ATXN1: variants seen among roughly 807,000 people sequenced by gnomAD.
The protein encoded by ATXN1 is ataxin 1, also known as ataxin-1.
In ATXN1, 8 loss-of-function variants were observed where a neutral mutation model predicts 56.4. That is an observed-to-expected ratio of 0.14 (90% CI 0.08 to 0.26). The LOEUF (loss-of-function observed/expected upper bound fraction) is 0.26. ATXN1 is among the 10% of genes least tolerant of loss of function. ATXN1 has a pLI of 1.00. For synonymous variants in ATXN1, 514 were observed against 494.6 expected, an observed-to-expected ratio of 1.04 and a Z score of -0.52; for missense variants, 987 against 1,106.5, an observed-to-expected ratio of 0.89 and a Z score of 1.53.
At chr6:16,574,410 T>C (rs1313139139) in intron 4 of ATXN1, among the ~76,000 whole-genome samples, 2 of 152,214 alleles carry the variant, frequency 1.3e-5, no homozygotes, top group African/African-American at 4.8e-5. Flanking sequence ...GGTTTCTCCA[T>C]GTTGCTCAGG....
chr6:16,619,295 A>G (rs1343027357), intron 3 of ATXN1, among the ~76,000 whole-genome samples: 1 of 152,224 alleles, frequency 6.6e-6, no homozygotes, highest in Non-Finnish European at 1.5e-5. Flanking sequence ...AATTTATCCT[A>G]AGGAAACAAC....
At chr6:16,377,501 C>T (rs1274580611) in intron 6 of ATXN1, among the ~76,000 whole-genome samples, 3 of 152,098 alleles carry the variant, frequency 2.0e-5, no homozygotes, top group Admixed American at 1.3e-4. Flanking sequence ...TATGAGGGTC[C>T]GGAGGGTCAG....
intron 6 of ATXN1, among the ~76,000 whole-genome samples, chr6:16,400,625 A>AT (rs2113535164): frequency 6.6e-6 from 1 of 152,340 alleles, no homozygotes; most frequent in Admixed American, 6.5e-5. Context: ...CAACAACCAC[A>AT]TTCCCCTTCA....
chr6:16,714,087 G>A (rs112172398), intron 2 of ATXN1, among the ~76,000 whole-genome samples: 22 of 151,802 alleles, frequency 1.4e-4, no homozygotes, highest in Admixed American at 7.2e-4. Context: ...CCCAGGAGGC[G>A]GAGGTTGCAG....
At chr6:16,445,674 T>G (rs1322544583) in intron 6 of ATXN1, among the ~76,000 whole-genome samples, 1 of 53,042 alleles carries the variant, frequency 1.9e-5, no homozygotes, top group South Asian at 8.8e-4. Context: ...CCCTCCCCCC[T>G]CCCCCCACCC....
Position 16,615,431 on chromosome 6 carries a change from G to A in ATXN1, c.-488-29524C>T, listed in dbSNP as rs1188334818. 2 of 148,130 alleles carry A rather than the reference G, an allele frequency of 1.4e-5. 1 individual carries two copies. Among genetic ancestry groups the A allele is most frequent in the Non-Finnish European group, 3.0e-5 (2 of 66,654 alleles). 9.2% of individuals were successfully genotyped at this position (148,130 alleles called of 1,614,324 possible). A position where few individuals can be genotyped will look rare whatever the true frequency, so the allele number is the denominator to read the frequency against. ...TTTCTTAAGAATGGTTCTCTTTTAC[G>A]GGTTGCCATTTTGGTGACAATTGGT... On this transcript the variant is annotated intron_variant, in intron 3 of 7. Coordinates refer to ENST00000436367, the MANE Select transcript of ATXN1 (RefSeq NM_001128164.2).
chr6:16,505,010 T>A (rs1208817995), intron 5 of ATXN1, among the ~76,000 whole-genome samples: 3 of 150,662 alleles, frequency 2.0e-5, no homozygotes, highest in Non-Finnish European at 4.4e-5. Context: ...TTTTTTTTTT[T>A]AGCTTTAGCT....
intron 2 of ATXN1, 165 bp downstream of exon 2, chr6:16,753,068 A>C (rs558843539): frequency 9.2e-5 from 32 of 348,682 alleles, no homozygotes; most frequent in Non-Finnish European, 1.5e-4. Context: ...AGTTTTAAAA[A>C]ACAATCTTGG....
intron 6 of ATXN1, among the ~76,000 whole-genome samples, chr6:16,392,501 C>CTT (rs71714432): frequency 1.4e-5 from 2 of 146,984 alleles, no homozygotes; most frequent in African/African-American, 5.0e-5. Context: ...CCAACCCATT[C>CTT]TTTTTTTTTT....
chr6:16,437,227 T>C (rs1344935048), intron 6 of ATXN1, among the ~76,000 whole-genome samples: 2 of 152,234 alleles, frequency 1.3e-5, no homozygotes, highest in Non-Finnish European at 2.9e-5. Context: ...CTCTCACATT[T>C]GGAAACCAGA....
chr6:16,433,327 G>C (rs892803518), intron 6 of ATXN1, among the ~76,000 whole-genome samples: 1 of 152,092 alleles, frequency 6.6e-6, no homozygotes, highest in East Asian at 1.9e-4. Context: ...ACTTCTTTTT[G>C]GGAACTTTAG....
rs563528523 is a variant in ATXN1, at chr6:16,760,434, A to C, written c.-730+864T>G. 3.1e-4 allele frequency among the ~76,000 whole-genome samples: 47 copies of C among 150,826 alleles called. No individual in the cohort carries two copies. The highest frequency in any genetic ancestry group is 2.3e-3 in the South Asian group (11 of 4,790). On this transcript the variant is annotated intron_variant, in intron 1 of 7. Transcript: ENST00000436367. This position sits in a 1 kb window ranked among gnomAD's most constrained non-coding sequence, Gnocchi z 5.3. ...CTCCGGGCGGCGGCTGCCGCTGCAC[A>C]TGATCAGGAAGCGGCCGCACCAACA...
At chr6:16,667,869 C>G (rs754655392) in intron 2 of ATXN1, among the ~76,000 whole-genome samples, 7 of 152,182 alleles carry the variant, frequency 4.6e-5, no homozygotes, top group Non-Finnish European at 8.8e-5. Context: ...CTAGATTATT[C>G]TTAGTCATTT....
intron 6 of ATXN1, among the ~76,000 whole-genome samples, chr6:16,444,163 G>C (rs974165150): frequency 9.8e-4 from 148 of 150,864 alleles, no homozygotes; most frequent in African/African-American, 3.5e-3. Flanking sequence ...TCTATATCTA[G>C]AGAGACACAG....
intron 4 of ATXN1, among the ~76,000 whole-genome samples, chr6:16,574,633 A>T (rs1053791021): frequency 1.3e-5 from 2 of 152,174 alleles, no homozygotes; most frequent in African/African-American, 4.8e-5. Flanking sequence ...TTTTGAAGAT[A>T]ATTTTAGATT....
chr6:16,481,788 C>T (rs1431727658), intron 6 of ATXN1, among the ~76,000 whole-genome samples: 1 of 152,096 alleles, frequency 6.6e-6, no homozygotes, highest in Non-Finnish European at 1.5e-5. Context: ...AGATACAGCA[C>T]TTCAGGCCCA....
At chr6:16,626,464 G>GT (rs1363866485) in intron 3 of ATXN1, among the ~76,000 whole-genome samples, 1 of 151,918 alleles carries the variant, frequency 6.6e-6, no homozygotes, top group Non-Finnish European at 1.5e-5. Flanking sequence ...GCTAATTTTT[G>GT]TTTTTTTAGT....
At chr6:16,420,106 GA>G (rs1561888954) in intron 6 of ATXN1, among the ~76,000 whole-genome samples, 2 of 152,210 alleles carry the variant, frequency 1.3e-5, no homozygotes, top group African/African-American at 4.8e-5. Context: ...ATAAGTGATC[GA>G]AAGTCACACG....
intron 4 of ATXN1, among the ~76,000 whole-genome samples, chr6:16,526,039 A>ATC (rs1227922059): frequency 1.0e-5 from 1 of 99,976 alleles, no homozygotes; most frequent in African/African-American, 6.5e-5. Flanking sequence ...ATAGAAATAA[A>ATC]TCTATATATA....
Sources: allele counts gnomAD v4.1 joint callset (sites outside exome capture counted in the v4.1 genomes callset), GRCh38; gene constraint gnomAD v4.1.1; non-coding constraint Gnocchi (gnomAD v3.1); transcripts MANE v1.5; gene names NCBI Gene and HGNC (gene_info 2026-07-23, HGNC 2026-07-21).